The following TUBA1C variants were observed in gnomAD, a reference collection of about 807,000 sequenced individuals.
TUBA1C encodes the protein tubulin alpha 1c.
TUBA1C carries 16 observed loss-of-function variants against 34.9 expected under a neutral mutation model. The ratio of observed to expected loss-of-function variants is 0.46; its 90% CI spans 0.31 to 0.70. TUBA1C has a LOEUF of 0.70. Ranked by LOEUF, TUBA1C falls within the 30% of genes least tolerant of loss-of-function variation. The pLI, the probability that TUBA1C is intolerant of heterozygous loss-of-function variation, is 0.05. For missense variants in TUBA1C, 329 were observed against 587.3 expected, an observed-to-expected ratio of 0.56 and a Z score of 4.55; for synonymous variants, 177 against 215.9, an observed-to-expected ratio of 0.82 and a Z score of 1.58.
At chr12:49,260,993 C>G (rs1223367794), upstream of TUBA1C, among the ~76,000 whole-genome samples, 1 of 152,204 alleles carries the variant, frequency 6.6e-6, no homozygotes, top group Admixed American at 6.5e-5. Flanking sequence ...CCTGGCCTCC[C>G]AAAGTGTTGA....
rs375489105 is a variant in TUBA1C at position 49,269,724 on chromosome 12, G to A, written c.226+37G>A. 531 of 1,612,888 alleles carry A rather than the reference G, an allele frequency of 3.3e-4. No individual in the cohort carries two copies. The African/African-American group carries it at 6.3e-3, about 19-fold the overall frequency. ...TCAGTAACCCAAGTGAGATCCCAGG[G>A]TGCTGGGACAGGAGGTCTGTCCTGG... On this transcript the variant is annotated intron_variant, in intron 2 of 3. Transcript: ENST00000301072.
chr12:49,240,908 T>C (rs1320109602), intron 1 of TUBA1C, among the ~76,000 whole-genome samples: 2 of 152,032 alleles, frequency 1.3e-5, no homozygotes, highest in African/African-American at 4.8e-5. Flanking sequence ...TCATAGCTCT[T>C]TTTTTCTTTT....
chr12:49,256,864 A>G (rs1028032450), intron 1 of TUBA1C, among the ~76,000 whole-genome samples: 1 of 152,134 alleles, frequency 6.6e-6, no homozygotes, highest in Non-Finnish European at 1.5e-5. Context: ...AAGTGGTTCT[A>G]TATTAATGTT....
intron 1 of TUBA1C, among the ~76,000 whole-genome samples, chr12:49,245,265 G>C (rs985526122): frequency 1.3e-5 from 2 of 152,102 alleles, no homozygotes; most frequent in African/African-American, 4.8e-5. Flanking sequence ...TGACAAAAAT[G>C]ACCATTTCTG....
At chr12:49,231,717 C>CAGATAGATAGAT (rs367832439) in intron 1 of TUBA1C, among the ~76,000 whole-genome samples, 49 of 151,270 alleles carry the variant, frequency 3.2e-4, no homozygotes, top group African/African-American at 1.2e-3. Context: ...GACAGACAGA[C>CAGATAGATAGAT]AGATAGATAG....
In TUBA1C at chr12:49,236,261, T is replaced by G. The variant is rs541963890; in HGVS notation, c.213+8095T>G. 1.1e-4 allele frequency among the ~76,000 whole-genome samples: 16 copies of G among 152,360 alleles called. No homozygotes were observed. The East Asian group carries it at 2.9e-3, about 28-fold the overall frequency. On this transcript the variant is annotated intron_variant, in intron 1 of 3. Coordinates refer to the TUBA1C transcript ENST00000541364. Reference sequence around the variant, plus strand: ...ACACATTTATACATATACTTCAGCATGAGCCTGCATTCCCCGGTATTGCAC... The same window carrying G: ...ACACATTTATACATATACTTCAGCAGGAGCCTGCATTCCCCGGTATTGCAC...
intron 1 of TUBA1C, chr12:49,233,400 T>G (rs1025782080): frequency 4.6e-5 from 7 of 152,342 alleles, no homozygotes; most frequent in South Asian, 2.1e-4. Context: ...TCCATTGCCC[T>G]TTTTTGTCCT....
In TUBA1C at chr12:49,273,468, CAGCCTCG is replaced by C. The variant is rs1174655730; in HGVS notation, c.*245_*251del. 3 of 603,002 alleles carry C rather than the reference CAGCCTCG, an allele frequency of 5.0e-6. No homozygotes were observed. Among genetic ancestry groups the C allele is most frequent in the Non-Finnish European group, 8.4e-6 (3 of 355,810 alleles). 37.4% of individuals were successfully genotyped at this position (603,002 alleles called of 1,614,324 possible). ...TGGCATGATAATACATAGCTCATTG[CAGCCTCG>C]AGCTCCTGGACTCATGTGATTCTCC... On this transcript the variant is annotated 3_prime_UTR_variant, in exon 4 of 4. Coordinates refer to ENST00000301072, the MANE Select transcript of TUBA1C (RefSeq NM_032704.5).
intron 1 of TUBA1C, among the ~76,000 whole-genome samples, chr12:49,266,127 C>CA (rs1275546913): frequency 1.3e-5 from 2 of 149,340 alleles, no homozygotes; most frequent in Non-Finnish European, 3.0e-5. Context: ...GAAACTGTCT[C>CA]AAAAAAACGC....
chr12:49,271,111 C>T (rs894115761), intron 3 of TUBA1C, among the ~76,000 whole-genome samples: 5 of 152,142 alleles, frequency 3.3e-5, no homozygotes, highest in African/African-American at 1.2e-4. Context: ...TATTGCCTAC[C>T]AAAACAATTG....
intron 1 of TUBA1C, among the ~76,000 whole-genome samples, chr12:49,241,410 C>T (rs1942613531): frequency 6.6e-6 from 1 of 151,934 alleles, no homozygotes; most frequent in African/African-American, 2.4e-5. Flanking sequence ...ACTGGCAGGA[C>T]CACATACAAA....
intron 1 of TUBA1C, among the ~76,000 whole-genome samples, chr12:49,240,731 G>C (rs958952921): frequency 1.3e-5 from 2 of 152,138 alleles, no homozygotes; most frequent in African/African-American, 4.8e-5. Context: ...GGCACTACAG[G>C]CGTGCACCAC....
At chr12:49,264,460 T>C (rs1016793556), upstream of TUBA1C, among the ~76,000 whole-genome samples, 1 of 152,068 alleles carries the variant, frequency 6.6e-6, no homozygotes. Flanking sequence ...TGGACAGCCC[T>C]CAGCGGCGAG....
chr12:49,252,223 A>C (rs115506055), intron 1 of TUBA1C, among the ~76,000 whole-genome samples: 1 of 152,200 alleles, frequency 6.6e-6, no homozygotes, highest in Non-Finnish European at 1.5e-5. Context: ...GGCATTAACC[A>C]GTTTTGTATC....
intron 1 of TUBA1C, among the ~76,000 whole-genome samples, chr12:49,245,078 A>G (rs1942653527): frequency 6.6e-6 from 1 of 152,144 alleles, no homozygotes; most frequent in South Asian, 2.1e-4. Context: ...CTGGGAAGTA[A>G]ATGATAATTT....
intron 1 of TUBA1C, among the ~76,000 whole-genome samples, chr12:49,248,309 C>G (rs1356000957): frequency 1.3e-5 from 2 of 151,974 alleles, no homozygotes; most frequent in African/African-American, 4.8e-5. Context: ...GTGGCTCACA[C>G]CCATAAGCCC....
intron 1 of TUBA1C, among the ~76,000 whole-genome samples, chr12:49,242,611 G>T (rs748742492): frequency 4.6e-5 from 7 of 152,056 alleles, no homozygotes; most frequent in Non-Finnish European, 1.0e-4. Flanking sequence ...GGGACTGAAG[G>T]TGCACACCAC....
chr12:49,264,863 T>A, upstream of TUBA1C: 1 of 128,218 alleles, frequency 7.8e-6, no homozygotes. Context: ...CTTCCTCCCC[T>A]TCCTCCTCTT....
At chr12:49,255,829 G>T (rs1942778380) in intron 1 of TUBA1C, among the ~76,000 whole-genome samples, 1 of 152,126 alleles carries the variant, frequency 6.6e-6, no homozygotes, top group Non-Finnish European at 1.5e-5. Context: ...GTCTCCCAAA[G>T]TGCTGGGATT....
Sources: gnomAD v4.1 joint callset for allele counts (sites outside exome capture counted in the v4.1 genomes callset) on GRCh38, gnomAD v4.1.1 for gene constraint, MANE v1.5 for transcripts, NCBI Gene and HGNC (gene_info 2026-07-23, HGNC 2026-07-21) for gene names.